KIF1B: variants seen among roughly 807,000 people sequenced by gnomAD.
KIF1B encodes the protein kinesin family member 1B.
In KIF1B, 76 loss-of-function variants were observed where a neutral mutation model predicts 241.9. The observed-to-expected ratio is 0.31, with a 90% CI of 0.26 to 0.38. The LOEUF is 0.38. KIF1B is among the 10% of genes least tolerant of loss of function. The pLI, the probability that KIF1B is intolerant of heterozygous loss-of-function variation, is 1.00. For missense variants in KIF1B, 1,622 were observed against 2,271.4 expected (o/e 0.71, Z 5.81); for synonymous variants, 750 against 796.7 (o/e 0.94, Z 0.99).
At chr1:10,276,476 T>C (rs571357600) in intron 12 of KIF1B, 77 bp downstream of exon 12, 1 of 939,728 alleles carries the variant, frequency 1.1e-6, no homozygotes, top group African/African-American at 1.6e-5. Flanking sequence ...TGGATGTTTT[T>C]ATGCTATCTG....
Position 10,261,989 on chromosome 1 carries a change from T to G in KIF1B, c.429+19T>G, listed in dbSNP as rs376733992. The G allele has an allele frequency of 2.6e-6, 4 of 1,559,192 alleles. No homozygotes were observed. The highest frequency in any genetic ancestry group is 3.5e-6 in the Non-Finnish European group (4 of 1,129,930). On this transcript the variant is annotated intron_variant, in intron 5 of 48. Coordinates refer to ENST00000676179, the MANE Select transcript of KIF1B (RefSeq NM_001365951.3). ...TGTAGAGGTGAGTACAGCCGTGAGT[T>G]GACACCGTAAGCCCTTGTTTTCCAT...
Position 10,268,257 on chromosome 1 carries a change from T to C in KIF1B, c.714T>C (p.Thr238=), listed in dbSNP as rs763161272. ...KKHDNETNLS[T]EKVSKISLVD... ...ACGATAATGAGACCAACCTTTCCACTGAGAAGGTAGGAGAGTTTCAGTCTC... is the reference window on the plus strand; with the variant it reads ...ACGATAATGAGACCAACCTTTCCACCGAGAAGGTAGGAGAGTTTCAGTCTC... Residue 238 remains threonine (T), a synonymous_variant, in exon 7 of 49, where the codon ACT becomes ACC. Transcript: ENST00000676179. The C allele has an allele frequency of 1.3e-6, 2 of 1,598,968 alleles. No individual in the cohort carries two copies.
In KIF1B at chr1:10,334,517, T is replaced by C. The variant is rs958025550; in HGVS notation, c.2925-3T>C. 3.7e-6 allele frequency: 6 copies of C among 1,607,322 alleles called. No homozygotes were observed. Among genetic ancestry groups the C allele is most frequent in the South Asian group, 3.3e-5 (3 of 90,926 alleles). On this transcript the variant is annotated splice_polypyrimidine_tract_variant and splice_region_variant and intron_variant, in intron 27 of 48. Transcript: ENST00000676179. ...ACATTTGTCTCCTGGTTTCTGTCTT[T>C]AGGGCATTTGTTTACCTGAGCAATC...
intron 22 of KIF1B, chr1:10,307,952 G>C: frequency 9.5e-7 from 1 of 1,053,814 alleles, no homozygotes; most frequent in Non-Finnish European, 1.1e-6. Context: ...CTGGTAATGT[G>C]ATGAATGGGA....
At position 10,326,497 on chromosome 1, in the gene KIF1B, A is replaced by G; in HGVS notation, c.2924+138A>G. On this transcript the variant is annotated intron_variant, in intron 27 of 48. Transcript: ENST00000676179. This position sits in a 1 kb window ranked among gnomAD's most constrained non-coding sequence, Gnocchi z 5.2. Reference sequence around the variant, plus strand: ...TCTTTTTCAAGTTCTCCAATACTTCAAGCTCTTAGTCAGTGCTGGTCTGGC... The same window carrying G: ...TCTTTTTCAAGTTCTCCAATACTTCGAGCTCTTAGTCAGTGCTGGTCTGGC... The G allele has an allele frequency of 8.7e-7, 1 of 1,154,012 alleles. No individual in the cohort carries two copies. The highest frequency in any genetic ancestry group is 1.3e-6 in the Non-Finnish European group (1 of 782,568). The allele number at this position is 1,154,012 out of a possible 1,614,324, so 71.5% of individuals were successfully genotyped here. A position where few individuals can be genotyped will look rare whatever the true frequency, so the allele number is the denominator to read the frequency against.
rs1420848744 is a variant in KIF1B, at chr1:10,377,051, G to A, written c.*464G>A. The A allele has an allele frequency of 7.9e-6, 2 of 253,490 alleles. No individual in the cohort carries two copies. The highest frequency in any genetic ancestry group is 4.4e-5 in the African/African-American group (2 of 45,728). 15.7% of individuals were successfully genotyped at this position (253,490 alleles called of 1,614,324 possible). On this transcript the variant is annotated 3_prime_UTR_variant, in exon 49 of 49. Coordinates refer to ENST00000676179, the MANE Select transcript of KIF1B (RefSeq NM_001365951.3). ...CTTTTTTTTTCTTTTCTCTGTTTGT[G>A]ATATCACTTTAATTTTTCTTGGGTG...
At position 10,303,800 on chromosome 1, in the gene KIF1B, A is replaced by G; in HGVS notation, c.2115+6554A>G. 1 of 1,614,274 alleles carries G rather than the reference A, an allele frequency of 6.2e-7. No homozygotes were observed. Among genetic ancestry groups the G allele is most frequent in the Non-Finnish European group, 8.5e-7 (1 of 1,180,052 alleles). The stretch of plus-strand genomic sequence containing the variant: ...CAGGAACAGAAAAGCCCAGGAAGCC[A>G]CAAAGCAAAGGAGCCTGTTGGTGCT... On this transcript the variant is annotated intron_variant, in intron 22 of 48. Coordinates refer to ENST00000676179, the MANE Select transcript of KIF1B (RefSeq NM_001365951.3). This position sits in a 1 kb window ranked among gnomAD's most constrained non-coding sequence, Gnocchi z 5.2.
At chr1:10,318,164 GT>G (rs1162622568) in intron 22 of KIF1B, among the ~76,000 whole-genome samples, 4 of 151,218 alleles carry the variant, frequency 2.6e-5, no homozygotes, top group African/African-American at 9.8e-5. Flanking sequence ...CGTGGTCTTG[GT>G]CACTGCCTGC....
intron 2 of KIF1B, among the ~76,000 whole-genome samples, chr1:10,243,239 A>T (rs1647163002): frequency 6.6e-6 from 1 of 152,072 alleles, no homozygotes; most frequent in South Asian, 2.1e-4. Context: ...CAACATGGTG[A>T]AGCCCCGTCT....
intron 15 of KIF1B, among the ~76,000 whole-genome samples, chr1:10,287,716 A>G (rs199850203): frequency 6.6e-6 from 1 of 152,204 alleles, no homozygotes; most frequent in East Asian, 1.9e-4. Flanking sequence ...GTTGGCTGCA[A>G]AATGGTAAGA....
intron 48 of KIF1B, 113 bp downstream of exon 48, chr1:10,375,486 C>T (rs969082541): frequency 1.3e-5 from 11 of 837,264 alleles, no homozygotes; most frequent in East Asian, 7.6e-5. Context: ...CTGGTTCAAG[C>T]GATTCTCCTG....
intron 27 of KIF1B, among the ~76,000 whole-genome samples, chr1:10,331,180 C>T (rs1651909593): frequency 6.6e-6 from 1 of 151,962 alleles, no homozygotes; most frequent in Admixed American, 6.6e-5. Flanking sequence ...TGCGATGGCT[C>T]TTTAATGGCC....
chr1:10,343,114 T>C (rs1569863201), intron 33 of KIF1B, 118 bp from the exon 34 acceptor site: 3 of 1,009,678 alleles, frequency 3.0e-6, no homozygotes, highest in East Asian at 5.2e-5. Flanking sequence ...ACATTCTCAC[T>C]CCTACTTGTG....
chr1:10,338,456 C>T (rs1357081515), intron 31 of KIF1B, among the ~76,000 whole-genome samples: 2 of 152,174 alleles, frequency 1.3e-5, no homozygotes, highest in Non-Finnish European at 2.9e-5. Context: ...ATTGATTTCA[C>T]CTATTTAATG....
At chr1:10,212,890 GTATATATATATATATATATA>G (rs201066671) in intron 1 of KIF1B, among the ~76,000 whole-genome samples, 2,772 of 109,518 alleles carry the variant, frequency 0.025, 68 homozygotes, top group Non-Finnish European at 0.033. Context: ...ATGCGTGTGT[GTATATATATATATATATATA>G]TATATATATA....
intron 22 of KIF1B, among the ~76,000 whole-genome samples, chr1:10,310,494 T>C (rs1160571587): frequency 6.6e-6 from 1 of 151,614 alleles, no homozygotes; most frequent in Non-Finnish European, 1.5e-5. Flanking sequence ...AAAGCAGCCA[T>C]AGACAATATG....
Position 10,343,274 on chromosome 1 carries a change from A to C in KIF1B, c.3675A>C (p.Pro1225=). Residue 1225 remains proline (P), a synonymous_variant, in exon 34 of 49, where the codon CCA becomes CCC. Coordinates refer to ENST00000676179, the MANE Select transcript of KIF1B (RefSeq NM_001365951.3). ...GCCGATTCTTCCCTCCACCCATGCC[A>C]CTGTCCAAGCCAGGTGAGCACTCGC... ...PCRRFFPPPM[P]LSKPVPATKL... 1 of 1,614,120 alleles carries C rather than the reference A, an allele frequency of 6.2e-7. No individual in the cohort carries two copies. The highest frequency in any genetic ancestry group is 1.1e-5 in the South Asian group (1 of 91,080).
intron 5 of KIF1B, among the ~76,000 whole-genome samples, chr1:10,266,948 C>G (rs927118524): frequency 1.4e-5 from 2 of 144,204 alleles, no homozygotes; most frequent in African/African-American, 5.1e-5. Context: ...AATCTTAGAG[C>G]TTTTAATAAA....
intron 34 of KIF1B, 152 bp downstream of exon 34, chr1:10,343,439 T>A: frequency 1.2e-6 from 1 of 815,480 alleles, no homozygotes; most frequent in Non-Finnish European, 2.0e-6. Flanking sequence ...TAGTAGGAAC[T>A]AGAATTCCTA....
Sources: gnomAD v4.1 joint callset for allele counts (sites outside exome capture counted in the v4.1 genomes callset) on GRCh38, gnomAD v4.1.1 for gene constraint, Gnocchi (gnomAD v3.1) non-coding constraint, MANE v1.5 for transcripts, NCBI Gene and HGNC (gene_info 2026-07-23, HGNC 2026-07-21) for gene names.